EIF4E3: variants seen among roughly 807,000 people sequenced by gnomAD.
EIF4E3 encodes the protein eukaryotic translation initiation factor 4E family member 3, also known as eukaryotic translation initiation factor 4E type 3.
In EIF4E3, 26 loss-of-function variants were observed where a neutral mutation model predicts 31.7. The ratio of observed to expected loss-of-function variants is 0.82; its 90% CI spans 0.60 to 1.14. The LOEUF is 1.14. Ranked by LOEUF, EIF4E3 falls within the 50% of genes most tolerant of loss-of-function variation. EIF4E3 has a pLI of 0.00. For synonymous variants in EIF4E3, 128 were observed against 107.7 expected (o/e 1.19, Z -1.17); for missense variants, 304 against 270.9 (o/e 1.12, Z -0.86).
At chr3:71,746,181 T>C in intron 1 of EIF4E3, among the ~76,000 whole-genome samples, 1 of 152,236 alleles carries the variant, frequency 6.6e-6, no homozygotes, top group East Asian at 1.9e-4. Context: ...TACCTTGCTC[T>C]TCTACTTTGT....
intron 1 of EIF4E3, among the ~76,000 whole-genome samples, chr3:71,743,635 A>G (rs896537541): frequency 6.6e-6 from 1 of 152,174 alleles, no homozygotes; most frequent in Non-Finnish European, 1.5e-5. Context: ...ACATATGTCA[A>G]TGCTAATGAC....
rs1418002602 is a variant in EIF4E3, at chr3:71,676,967, A to C, written c.*7715T>G. The C allele has an allele frequency of 1.3e-5, 2 of 152,194 alleles. No individual in the cohort carries two copies. The highest frequency in any genetic ancestry group is 4.8e-5 in the African/African-American group (2 of 41,438). 9.4% of individuals were successfully genotyped at this position (152,194 alleles called of 1,614,324 possible). On this transcript the variant is annotated 3_prime_UTR_variant, in exon 7 of 7. Coordinates refer to ENST00000425534, the MANE Select transcript of EIF4E3 (RefSeq NM_001134651.2). ...CTTTATATAATCCTATATGTGCAAAAAACAAATGATTTAAGTTTCCTGAGT... is the reference window on the plus strand; with the variant it reads ...CTTTATATAATCCTATATGTGCAAACAACAAATGATTTAAGTTTCCTGAGT...
At chr3:71,664,464 CT>C in the EIF4E3 span, among the ~76,000 whole-genome samples, 1 of 152,152 alleles carries the variant, frequency 6.6e-6, no homozygotes, top group African/African-American at 2.4e-5. Flanking sequence ...TCACTTAAGC[CT>C]GGCCTGGCAC....
chr3:71,660,074 T>G, the EIF4E3 span, among the ~76,000 whole-genome samples: 887 of 152,204 alleles, frequency 5.8e-3, 10 homozygotes, highest in African/African-American at 0.021. Flanking sequence ...GCAGTCAGTA[T>G]GTATGCTCAT....
rs2048956025 is a variant in EIF4E3 at position 71,683,970 on chromosome 3, G to A, written c.*712C>T. ...GAAATGTTTCCACAGAGGGTCCAAA[G>A]ACTTAGAGCTTGATTTATATCCTGA... On this transcript the variant is annotated 3_prime_UTR_variant, in exon 7 of 7. Coordinates refer to ENST00000425534, the MANE Select transcript of EIF4E3 (RefSeq NM_001134651.2). 6.6e-6 allele frequency: 1 copy of A among 152,116 alleles called. No individual in the cohort carries two copies. Among genetic ancestry groups the A allele is most frequent in the South Asian group, 2.1e-4 (1 of 4,826 alleles). 9.4% of individuals were successfully genotyped at this position (152,116 alleles called of 1,614,324 possible).
intron 1 of EIF4E3, among the ~76,000 whole-genome samples, chr3:71,714,380 T>C (rs1038832786): frequency 4.6e-5 from 7 of 152,214 alleles, no homozygotes; most frequent in South Asian, 2.1e-4. Context: ...TCAGGCTTCA[T>C]AGAAACTCAG....
the EIF4E3 span, among the ~76,000 whole-genome samples, chr3:71,664,910 C>G: frequency 0.019 from 2,928 of 152,196 alleles, 98 homozygotes; most frequent in African/African-American, 0.068. Context: ...AACTCGAAGA[C>G]GTATGTCTAC....
the EIF4E3 span, among the ~76,000 whole-genome samples, chr3:71,670,019 A>G: frequency 1.3e-5 from 2 of 152,228 alleles, no homozygotes; most frequent in South Asian, 4.1e-4. Flanking sequence ...ACAAACCTTC[A>G]GTGAAGTTTC....
At chr3:71,737,808 CAG>C (rs750786181) in intron 1 of EIF4E3, among the ~76,000 whole-genome samples, 16 of 151,994 alleles carry the variant, frequency 1.1e-4, no homozygotes, top group Admixed American at 1.3e-4. Context: ...ACAACAACAA[CAG>C]AGATTTTTTT....
chr3:71,741,376 A>G (rs965802089), intron 1 of EIF4E3, among the ~76,000 whole-genome samples: 12 of 152,234 alleles, frequency 7.9e-5, no homozygotes, highest in Non-Finnish European at 1.5e-4. Context: ...GGCTATATTT[A>G]TATCACACTA....
intron 1 of EIF4E3, among the ~76,000 whole-genome samples, chr3:71,722,530 G>A (rs560508519): frequency 6.6e-6 from 1 of 152,300 alleles, no homozygotes; most frequent in African/African-American, 2.4e-5. Context: ...AGTTTTAAAT[G>A]TCCAGAAAAG....
Position 71,725,343 on chromosome 3 carries a change from G to A in EIF4E3, c.25C>T (p.Pro9Ser), listed in dbSNP as rs986281064. Residue 9 changes from proline (P) to serine (S), a missense_variant, in exon 1 of 7, where the codon CCC (proline) becomes TCC (serine). Coordinates refer to ENST00000425534, the MANE Select transcript of EIF4E3 (RefSeq NM_001134651.2). The surrounding 1 kb of genome is among the most constrained non-coding windows in gnomAD (Gnocchi z 6.1). ...GGCGGCTCCCGGGCCCCGGCGGGGG[G>A]CGCGGCGGCCGGGGGCAGCGCCATT... MALPPAAA[P>S]PAGAREPPGS... 6.2e-6 allele frequency: 6 copies of A among 973,180 alleles called. No homozygotes were observed. Among genetic ancestry groups the A allele is most frequent in the Non-Finnish European group, 7.3e-6 (6 of 821,632 alleles). 60.3% of individuals were successfully genotyped at this position (973,180 alleles called of 1,614,324 possible). A position where few individuals can be genotyped will look rare whatever the true frequency, so the allele number is the denominator to read the frequency against.
chr3:71,687,421 C>A (rs184055011), intron 6 of EIF4E3, among the ~76,000 whole-genome samples: 1 of 152,208 alleles, frequency 6.6e-6, no homozygotes, highest in Admixed American at 6.5e-5. Flanking sequence ...ATTTGATATT[C>A]ATATAATTTT....
At chr3:71,754,170 C>G, upstream of EIF4E3, 1 of 1,454,206 alleles carries the variant, frequency 6.9e-7, no homozygotes, top group Non-Finnish European at 9.1e-7. This position sits in a 1 kb window ranked among gnomAD's most constrained non-coding sequence, Gnocchi z 5.8. Context: ...GCTGTTCGCG[C>G]TGCTGATCGT....
rs901318060 is a variant in EIF4E3 at position 71,706,018 on chromosome 3, A to C, written c.249+4394T>G. On this transcript the variant is annotated intron_variant, in intron 2 of 6. Coordinates refer to ENST00000425534, the MANE Select transcript of EIF4E3 (RefSeq NM_001134651.2). Reference sequence around the variant, plus strand: ...ATTTGGACAGGTTCACAAAGGAGTAAGAGAATCAATAAGCATCTGGAAAAT... The same window carrying C: ...ATTTGGACAGGTTCACAAAGGAGTACGAGAATCAATAAGCATCTGGAAAAT... Among the ~76,000 whole-genome samples, 7 of 152,358 alleles carry C rather than the reference A, an allele frequency of 4.6e-5. No individual in the cohort carries two copies. The East Asian group carries it at 1.3e-3, about 29-fold the overall frequency.
At chr3:71,730,599 G>A (rs1044686429) in intron 1 of EIF4E3, among the ~76,000 whole-genome samples, 1 of 152,190 alleles carries the variant, frequency 6.6e-6, no homozygotes, top group Admixed American at 6.5e-5. Flanking sequence ...CATTGAGCCT[G>A]GAAAATGTGG....
At chr3:71,687,902 G>T (rs1288139631) in intron 6 of EIF4E3, among the ~76,000 whole-genome samples, 1 of 152,200 alleles carries the variant, frequency 6.6e-6, no homozygotes, top group African/African-American at 2.4e-5. Flanking sequence ...TTACCCTGCT[G>T]TGAAAAAGAT....
At chr3:71,686,543 AGTGTGTGTGTGT>A (rs61264269) in intron 6 of EIF4E3, among the ~76,000 whole-genome samples, 19 of 143,600 alleles carry the variant, frequency 1.3e-4, no homozygotes, top group African/African-American at 4.1e-4. Flanking sequence ...TTTCACATTG[AGTGTGTGTGTGT>A]GTGTGTGTGT....
intron 3 of EIF4E3, 124 bp downstream of exon 3, chr3:71,699,490 G>T: frequency 1.2e-6 from 1 of 852,794 alleles, no homozygotes; most frequent in Non-Finnish European, 1.9e-6. Flanking sequence ...CCTGGGCCAT[G>T]ATTGGTATCA....
Sources: allele counts gnomAD v4.1 joint callset (sites outside exome capture counted in the v4.1 genomes callset), GRCh38; gene constraint gnomAD v4.1.1; non-coding constraint Gnocchi (gnomAD v3.1); transcripts MANE v1.5; gene names NCBI Gene and HGNC (gene_info 2026-07-23, HGNC 2026-07-21).